IFT25: variants seen among roughly 807,000 people sequenced by gnomAD.
The protein encoded by IFT25 is intraflagellar transport protein 25 homolog.
the IFT25 span, among the ~76,000 whole-genome samples, chr1:53,927,926 T>C: frequency 6.6e-6 from 1 of 152,234 alleles, no homozygotes; most frequent in Non-Finnish European, 1.5e-5. Flanking sequence ...ATTCCTTTAA[T>C]ATTATTTTCA....
chr1:53,938,875 A>C, the IFT25 span, among the ~76,000 whole-genome samples: 1 of 151,712 alleles, frequency 6.6e-6, no homozygotes, highest in East Asian at 1.9e-4. Flanking sequence ...GGGAGTTCGA[A>C]ACCAGCCTGA....
At chr1:53,927,576 A>T in the IFT25 span, among the ~76,000 whole-genome samples, 2 of 152,174 alleles carry the variant, frequency 1.3e-5, no homozygotes, top group African/African-American at 4.8e-5. Flanking sequence ...GTGGTCACCT[A>T]GTTTTGTAGG....
At chr1:53,930,988 G>A in the IFT25 span, among the ~76,000 whole-genome samples, 1 of 152,014 alleles carries the variant, frequency 6.6e-6, no homozygotes, top group Admixed American at 6.6e-5. Flanking sequence ...TTTACCTTAA[G>A]GGCATAACTT....
the IFT25 span, among the ~76,000 whole-genome samples, chr1:53,916,259 A>G: frequency 6.6e-6 from 1 of 152,312 alleles, no homozygotes; most frequent in African/African-American, 2.4e-5. Context: ...GCTACATATC[A>G]TATCTATTGC....
the IFT25 span, among the ~76,000 whole-genome samples, chr1:53,943,813 G>A: frequency 6.6e-6 from 1 of 152,020 alleles, no homozygotes; most frequent in Non-Finnish European, 1.5e-5. Context: ...GTAGAGATGG[G>A]GTTTTGCCAT....
the IFT25 span, among the ~76,000 whole-genome samples, chr1:53,913,347 G>C: frequency 3.9e-5 from 6 of 152,294 alleles, no homozygotes; most frequent in South Asian, 1.2e-3. Flanking sequence ...TTTCTCCTGA[G>C]AGCGCTCCCT....
the IFT25 span, among the ~76,000 whole-genome samples, chr1:53,936,812 T>C: frequency 2.0e-5 from 3 of 152,080 alleles, no homozygotes; most frequent in Non-Finnish European, 4.4e-5. Flanking sequence ...TCTTTTCCCC[T>C]TTTTCATTGA....
At chr1:53,921,630 T>C in the IFT25 span, 5 of 1,350,564 alleles carry the variant, frequency 3.7e-6, no homozygotes, top group Non-Finnish European at 5.3e-6. Flanking sequence ...TAAAAAATCA[T>C]GCAAGAGCAT....
the IFT25 span, among the ~76,000 whole-genome samples, chr1:53,940,953 AAT>A: frequency 6.6e-6 from 1 of 151,314 alleles, no homozygotes; most frequent in Non-Finnish European, 1.5e-5. Context: ...GCCAAAAAAA[AAT>A]TTTTTTTTTT....
At chr1:53,930,105 G>C in the IFT25 span, 1 of 1,574,226 alleles carries the variant, frequency 6.4e-7, no homozygotes, top group African/African-American at 1.4e-5. Context: ...ATGAATTCCT[G>C]GGGAAACATT....
At chr1:53,917,467 C>T in the IFT25 span, among the ~76,000 whole-genome samples, 1 of 152,116 alleles carries the variant, frequency 6.6e-6, no homozygotes, top group Non-Finnish European at 1.5e-5. Flanking sequence ...AGCTTAAAGC[C>T]AGTATCACAC....
the IFT25 span, among the ~76,000 whole-genome samples, chr1:53,922,432 T>A: frequency 6.6e-6 from 1 of 152,058 alleles, no homozygotes; most frequent in African/African-American, 2.4e-5. Context: ...AAAGTATTTT[T>A]CATAATAAAG....
chr1:53,940,172 G>T, the IFT25 span: 2 of 739,334 alleles, frequency 2.7e-6, no homozygotes, highest in Non-Finnish European at 2.3e-6. Context: ...AAGTGAGAAG[G>T]AAAGGCTGTT....
At chr1:53,938,727 T>C in the IFT25 span, among the ~76,000 whole-genome samples, 3 of 152,192 alleles carry the variant, frequency 2.0e-5, no homozygotes, top group Non-Finnish European at 2.9e-5. Flanking sequence ...ACTCTGTTCA[T>C]TGTACATATA....
the IFT25 span, among the ~76,000 whole-genome samples, chr1:53,938,124 C>T: frequency 6.6e-6 from 1 of 152,204 alleles, no homozygotes; most frequent in Admixed American, 6.5e-5. Flanking sequence ...ATCTTTACAA[C>T]GGGGTTGAAA....
the IFT25 span, among the ~76,000 whole-genome samples, chr1:53,920,315 A>G: frequency 5.3e-5 from 8 of 150,956 alleles, no homozygotes; most frequent in African/African-American, 1.5e-4. Flanking sequence ...TTTCTCTTCT[A>G]TCAATATGGA....
At chr1:53,930,014 A>G in the IFT25 span, 4 of 1,537,296 alleles carry the variant, frequency 2.6e-6, no homozygotes, top group Non-Finnish European at 3.5e-6. Context: ...AAAAAAAAAA[A>G]AAAATTAATG....
At chr1:53,945,355 A>G in the IFT25 span, among the ~76,000 whole-genome samples, 7 of 152,160 alleles carry the variant, frequency 4.6e-5, no homozygotes, top group Non-Finnish European at 4.4e-5. Context: ...GTGGGCTGGT[A>G]GTGGCGCTTC....
the IFT25 span, among the ~76,000 whole-genome samples, chr1:53,926,993 G>C: frequency 2.0e-5 from 3 of 152,008 alleles, no homozygotes; most frequent in Non-Finnish European, 2.9e-5. Context: ...CCAAAGTGTT[G>C]GGATTACAGG....
Sources: gnomAD v4.1 joint callset for allele counts (sites outside exome capture counted in the v4.1 genomes callset) on GRCh38, gnomAD v4.1.1 for gene constraint, MANE v1.5 for transcripts, NCBI Gene and HGNC (gene_info 2026-07-23, HGNC 2026-07-21) for gene names.